Variants in FCRL4 observed in about 807,000 individuals in gnomAD.
FCRL4 encodes the protein Fc receptor like 4.
In FCRL4, 43 loss-of-function variants were observed where a neutral mutation model predicts 64.1. The ratio of observed to expected loss-of-function variants is 0.67; its 90% CI spans 0.53 to 0.87. The LOEUF (loss-of-function observed/expected upper bound fraction) is 0.87. FCRL4 is among the 40% of genes least tolerant of loss of function. FCRL4 has a pLI of 0.00. For synonymous variants in FCRL4, 253 were observed against 239.8 expected (o/e 1.05, Z -0.51); for missense variants, 656 against 613.5 (o/e 1.07, Z -0.73).
At chr1:157,593,229 G>A (rs915817115) in intron 2 of FCRL4, among the ~76,000 whole-genome samples, 18 of 152,106 alleles carry the variant, frequency 1.2e-4, no homozygotes, top group African/African-American at 4.3e-4. Context: ...AGAACTTATA[G>A]TATAATAATA....
intron 2 of FCRL4, among the ~76,000 whole-genome samples, chr1:157,592,248 G>A (rs1482766341): frequency 1.3e-5 from 2 of 152,104 alleles, no homozygotes; most frequent in Admixed American, 1.3e-4. Context: ...AGACAAATGG[G>A]ATCTAATTAA....
At chr1:157,580,821 G>A (rs778597612) in intron 7 of FCRL4, among the ~76,000 whole-genome samples, 1 of 152,240 alleles carries the variant, frequency 6.6e-6, no homozygotes, top group African/African-American at 2.4e-5. Flanking sequence ...ATTGAATTAA[G>A]AGACAGAGTT....
intron 8 of FCRL4, 141 bp downstream of exon 8, chr1:157,580,180 G>T: frequency 1.1e-6 from 1 of 887,814 alleles, no homozygotes; most frequent in Non-Finnish European, 1.8e-6. Flanking sequence ...CTTCATTTTT[G>T]ACAAATTCAT....
At chr1:157,585,344 C>CTCCCTT (rs1553276895) in intron 6 of FCRL4, among the ~76,000 whole-genome samples, 5 of 81,276 alleles carry the variant, frequency 6.2e-5, no homozygotes, top group African/African-American at 2.2e-4. Context: ...CTTTCTCTCT[C>CTCCCTT]TCTTTCTTTC....
In FCRL4 at chr1:157,587,902, A is replaced by G. The variant is rs1476762821; in HGVS notation, c.525T>C (p.Asp175=). The G allele has an allele frequency of 6.2e-7, 1 of 1,609,748 alleles. No individual in the cohort carries two copies. The highest frequency in any genetic ancestry group is 8.5e-7 in the Non-Finnish European group (1 of 1,176,716). ...YRCIGYGDEN[D]VFRSNFKIIK... is the part of the protein sequence containing the mutation. The stretch of plus-strand genomic sequence containing the variant: ...TTATTTTGAAATTTGATCTAAATAC[A>G]TCATTCTCGTCTCCATATCCAATGC... The change falls in exon 4 of 12, where the codon GAT becomes GAC. Residue 175 remains aspartate (D), a synonymous_variant. Transcript: ENST00000271532.
rs1653006517 is a variant in FCRL4, at chr1:157,598,010, A to G, written c.-66T>C. On this transcript the variant is annotated 5_prime_UTR_variant, in exon 1 of 12. Transcript: ENST00000271532. ...CAAGCCAGGTCAGCCCAGATTGCCA[A>G]AGCAGCACTTGCCTACACCAGCACC... The G allele has an allele frequency of 1.6e-6, 2 of 1,266,462 alleles. No homozygotes were observed. Among genetic ancestry groups the G allele is most frequent in the Admixed American group, 3.5e-5 (2 of 57,824 alleles). The allele number at this position is 1,266,462 out of a possible 1,614,324, so 78.5% of individuals were successfully genotyped here.
In FCRL4 at chr1:157,587,391, C is replaced by T. The variant is rs763026310; in HGVS notation, c.732G>A (p.Pro244=). The part of the protein sequence containing the change: ...EVILSDWSTY[P]ELQLPTVWRE... Reference sequence around the variant, plus strand: ...TCCAGACGGTTGGGAGCTGGAGTTCCGGGTACGTGCTCCAGTCTGACAGGA... The same window carrying T: ...TCCAGACGGTTGGGAGCTGGAGTTCTGGGTACGTGCTCCAGTCTGACAGGA... The change falls in exon 5 of 12, where the codon CCG becomes CCA. Residue 244 remains proline (P), a synonymous_variant. Coordinates refer to ENST00000271532, the MANE Select transcript of FCRL4 (RefSeq NM_031282.3). 18 of 1,614,052 alleles carry T rather than the reference C, an allele frequency of 1.1e-5. No individual in the cohort carries two copies. In the East Asian group the frequency reaches 2.0e-4, roughly 18 times the overall value.
chr1:157,581,405 C>T (rs184244117), intron 7 of FCRL4, 126 bp downstream of exon 7: 22 of 714,642 alleles, frequency 3.1e-5, no homozygotes, highest in African/African-American at 1.1e-4. Flanking sequence ...TGTGTGTGAA[C>T]GCTGGGAGTG....
chr1:157,586,181 A>T lies in FCRL4; in HGVS notation c.1122T>A (p.Asn374Lys), dbSNP rs1475331386. Residue 374 changes from asparagine (N) to lysine (K), a missense_variant, in exon 6 of 12, where the codon AAT becomes AAA. Transcript: ENST00000271532. ...SYGPVQSMVL[N>K]VTVRETPGNR... ...ATTAAAACTCACCTCTCACAGTGAC[A>T]TTCAGCACCATGCTCTGGACAGGGC... 3 of 1,609,846 alleles carry T rather than the reference A, an allele frequency of 1.9e-6. No homozygotes were observed. The highest frequency in any genetic ancestry group is 1.7e-4 in the Middle Eastern group (1 of 6,034).
intron 8 of FCRL4, among the ~76,000 whole-genome samples, chr1:157,579,184 A>T (rs1409958032): frequency 6.6e-6 from 1 of 152,348 alleles, no homozygotes; most frequent in Admixed American, 6.5e-5. Context: ...CCTGGGCAAC[A>T]TAGTGAGACC....
At chr1:157,577,577 G>A (rs1409887896) in intron 10 of FCRL4, among the ~76,000 whole-genome samples, 1 of 152,210 alleles carries the variant, frequency 6.6e-6, no homozygotes, top group Non-Finnish European at 1.5e-5. Context: ...AGTTTAGAAA[G>A]AGCCTGGCTT....
chr1:157,591,402 A>T lies in FCRL4; in HGVS notation c.53-1944T>A, dbSNP rs72996986. 6.3e-3 allele frequency among the ~76,000 whole-genome samples: 958 copies of T among 151,488 alleles called. 10 individuals carry two copies. The highest frequency in any genetic ancestry group is 0.022 in the African/African-American group (917 of 41,234). ...TTAAACCTAACATAGATAGAGGGAAATTTTTTCCCTCCCATACATGTAGCA... is the reference window on the plus strand; with the variant it reads ...TTAAACCTAACATAGATAGAGGGAATTTTTTTCCCTCCCATACATGTAGCA... On this transcript the variant is annotated intron_variant, in intron 2 of 11. Coordinates refer to ENST00000271532, the MANE Select transcript of FCRL4 (RefSeq NM_031282.3).
intron 1 of FCRL4, among the ~76,000 whole-genome samples, chr1:157,597,443 A>ATCTTT (rs1652991135): frequency 6.6e-6 from 1 of 152,252 alleles, no homozygotes; most frequent in Non-Finnish European, 1.5e-5. Context: ...AAATCATCTT[A>ATCTTT]TCTCTTCTCT....
chr1:157,593,537 G>A (rs1048620435), intron 2 of FCRL4, among the ~76,000 whole-genome samples: 6 of 152,204 alleles, frequency 3.9e-5, no homozygotes, highest in East Asian at 1.9e-4. Context: ...TTGAGGCCTA[G>A]TTATTGTTTA....
At chr1:157,589,017 C>A (rs979815521) in intron 3 of FCRL4, among the ~76,000 whole-genome samples, 187 bp downstream of exon 3, 17 of 152,288 alleles carry the variant, frequency 1.1e-4, no homozygotes, top group African/African-American at 3.8e-4. Context: ...TAATATTAAC[C>A]ATTTAAACTC....
intron 3 of FCRL4, among the ~76,000 whole-genome samples, chr1:157,588,881 C>G (rs571805470): frequency 6.6e-6 from 1 of 152,230 alleles, no homozygotes; most frequent in Non-Finnish European, 1.5e-5. Context: ...AGCACATTTA[C>G]ATGTGTGTAA....
intron 2 of FCRL4, among the ~76,000 whole-genome samples, chr1:157,590,009 AT>A (rs1271764757): frequency 6.6e-6 from 1 of 152,190 alleles, no homozygotes; most frequent in Non-Finnish European, 1.5e-5. Flanking sequence ...TATAAAGGAA[AT>A]TTCCTTTTGT....
At chr1:157,592,849 A>G (rs1225015545) in intron 2 of FCRL4, among the ~76,000 whole-genome samples, 2 of 152,228 alleles carry the variant, frequency 1.3e-5, no homozygotes, top group Non-Finnish European at 2.9e-5. Context: ...ATGTCCATCA[A>G]TGATAGACTG....
At chr1:157,588,560 A>T (rs1652761754) in intron 3 of FCRL4, among the ~76,000 whole-genome samples, 1 of 152,246 alleles carries the variant, frequency 6.6e-6, no homozygotes, top group Non-Finnish European at 1.5e-5. Flanking sequence ...TCTAGGTTGA[A>T]GGGACAGTGG....
Sources: gnomAD v4.1 joint callset for allele counts (sites outside exome capture counted in the v4.1 genomes callset) on GRCh38, gnomAD v4.1.1 for gene constraint, MANE v1.5 for transcripts, NCBI Gene and HGNC (gene_info 2026-07-23, HGNC 2026-07-21) for gene names.